The following PTPN6 variants were observed in gnomAD, a reference collection of about 807,000 sequenced individuals.
PTPN6 encodes tyrosine-protein phosphatase non-receptor type 6.
Under a neutral mutation model 81.5 loss-of-function variants are expected in PTPN6, and 18 were observed. The ratio of observed to expected loss-of-function variants is 0.22; its 90% CI spans 0.15 to 0.33. The LOEUF is 0.33. PTPN6 is among the 10% of genes least tolerant of loss of function. The pLI is 1.00. For synonymous variants in PTPN6, 301 were observed against 310.9 expected (o/e 0.97, Z 0.33); for missense variants, 500 against 794.2 (o/e 0.63, Z 4.45).
At chr12:6,951,120 T>C (rs1945915626), upstream of PTPN6, 2 of 774,004 alleles carry the variant, frequency 2.6e-6, no homozygotes, top group East Asian at 1.1e-4. The surrounding 1 kb of genome is among the most constrained non-coding windows in gnomAD (Gnocchi z 7.2). Flanking sequence ...TATCTGGGCC[T>C]GGAGTGTGCA....
rs1555148485 is a variant in PTPN6 at position 6,955,460 on chromosome 12, A to G, written c.722A>G (p.Lys241Arg). Residue 241 changes from lysine (K) to arginine (R), a missense_variant, in exon 6 of 16, where the codon AAG becomes AGG. Lys to Arg is a conservative substitution (Grantham distance 26). Around this residue, in one of 6 missense-constraint regions of PTPN6, gnomAD observed 96 missense variants for 137.3 expected, o/e 0.70. Transcript: ENST00000318974. The surrounding 1 kb of genome is among the most constrained non-coding windows in gnomAD (Gnocchi z 7.2). ...NKKQESEDTAKAGFWEEFESL... is the reference protein window; with the variant it reads ...NKKQESEDTARAGFWEEFESL... ...AAGCAGGAGTCCGAGGATACAGCCA[A>G]GGCTGGCTTCTGGGAGGAGTTTGAG... 1.9e-6 allele frequency: 3 copies of G among 1,614,000 alleles called. No homozygotes were observed. The highest frequency in any genetic ancestry group is 1.6e-4 in the Middle Eastern group (1 of 6,084).
intron 11 of PTPN6, 72 bp downstream of exon 11, chr12:6,958,145 T>A: frequency 6.3e-7 from 1 of 1,580,640 alleles, no homozygotes; most frequent in African/African-American, 1.3e-5. Context: ...TGAGCTGTTA[T>A]AAGCAATATA....
At position 6,956,027 on chromosome 12, in the gene PTPN6, C is replaced by A. The variant is rs1946023774; in HGVS notation, c.845-115C>A. The A allele has an allele frequency of 3.7e-6, 4 of 1,089,612 alleles. No individual in the cohort carries two copies. Among genetic ancestry groups the A allele is most frequent in the South Asian group, 2.6e-5 (2 of 77,160 alleles). 67.5% of individuals were successfully genotyped at this position (1,089,612 alleles called of 1,614,324 possible). On this transcript the variant is annotated intron_variant, in intron 7 of 15. Transcript: ENST00000318974. The surrounding 1 kb of genome is among the most constrained non-coding windows in gnomAD (Gnocchi z 4.1). The stretch of plus-strand genomic sequence containing the variant: ...CACCCCTGCTGCCCACAGTCCCCCG[C>A]AAGCCTCATGGCTTCTGAGACCAGA...
rs1946125060 is a variant in PTPN6, at chr12:6,960,790, C to T, written c.1674-16C>T. 3 of 1,554,684 alleles carry T rather than the reference C, an allele frequency of 1.9e-6. No individual in the cohort carries two copies. The highest frequency in any genetic ancestry group is 2.6e-6 in the Non-Finnish European group (3 of 1,148,664). ...GCACCAACTGCCTGTACTTGCCCCCCTGCACCCGGCTGCAGACACAAGGAG... is the reference window on the plus strand; with the variant it reads ...GCACCAACTGCCTGTACTTGCCCCCTTGCACCCGGCTGCAGACACAAGGAG... On this transcript the variant is annotated splice_polypyrimidine_tract_variant and intron_variant, in intron 14 of 15. Coordinates refer to ENST00000318974, the MANE Select transcript of PTPN6 (RefSeq NM_002831.6). The surrounding 1 kb of genome is among the most constrained non-coding windows in gnomAD (Gnocchi z 6.1).
Position 6,956,682 on chromosome 12 carries a change from T to C in PTPN6, c.1074+114T>C. 2.1e-6 allele frequency: 3 copies of C among 1,419,904 alleles called. No individual in the cohort carries two copies. Among genetic ancestry groups the C allele is most frequent in the Non-Finnish European group, 1.9e-6 (2 of 1,031,202 alleles). 88.0% of individuals were successfully genotyped at this position (1,419,904 alleles called of 1,614,324 possible). A position where few individuals can be genotyped will look rare whatever the true frequency, so the allele number is the denominator to read the frequency against. On this transcript the variant is annotated intron_variant, in intron 9 of 15. Coordinates refer to ENST00000318974, the MANE Select transcript of PTPN6 (RefSeq NM_002831.6). The surrounding 1 kb of genome is among the most constrained non-coding windows in gnomAD (Gnocchi z 4.1). ...GATCTCAGGGGTGAGGGTCCGGCCCTTGTTGGGAAACTGAGGGCTAGTGAC... is the reference window on the plus strand; with the variant it reads ...GATCTCAGGGGTGAGGGTCCGGCCCCTGTTGGGAAACTGAGGGCTAGTGAC...
At chr12:6,950,929 A>G (rs1945912065), upstream of PTPN6, among the ~76,000 whole-genome samples, 1 of 152,172 alleles carries the variant, frequency 6.6e-6, no homozygotes, top group Admixed American at 6.5e-5. Flanking sequence ...GTGAGAAACC[A>G]ATCAGACAAG....
chr12:6,946,884 C>T (rs2138247072), upstream of PTPN6: 2 of 914,806 alleles, frequency 2.2e-6, no homozygotes, highest in Non-Finnish European at 3.5e-6. Context: ...TGAACTTCCC[C>T]TTCCCGCAAG....
In PTPN6 at chr12:6,955,604, C is replaced by T; in HGVS notation, c.748-56C>T. 3 of 1,587,438 alleles carry T rather than the reference C, an allele frequency of 1.9e-6. No homozygotes were observed. Among genetic ancestry groups the T allele is most frequent in the South Asian group, 1.1e-5 (1 of 90,504 alleles). ...GCTCCTGACCCACCCCACGTGAGCT[C>T]CCCCGATGGATGCCCTCTTTGGGAG... On this transcript the variant is annotated intron_variant, in intron 6 of 15. Transcript: ENST00000318974. The surrounding 1 kb of genome is among the most constrained non-coding windows in gnomAD (Gnocchi z 7.2).
In PTPN6 at chr12:6,960,867, A is replaced by C; in HGVS notation, c.1735A>C (p.Lys579Gln). Residue 579 changes from lysine (K) to glutamine (Q), a missense_variant, in exon 15 of 16, where the codon AAG (lysine) becomes CAG (glutamine). Physicochemically the swap from Lys to Gln is moderately conservative, Grantham distance 53. Around this residue, in one of 6 missense-constraint regions of PTPN6, gnomAD observed 56 missense variants for 56.4 expected, o/e 0.99. Transcript: ENST00000318974. This position sits in a 1 kb window ranked among gnomAD's most constrained non-coding sequence, Gnocchi z 6.1. The stretch of plus-strand genomic sequence containing the variant: ...GAACAAGAGGGAGGAGAAAGTGAAG[A>C]AGCAGCGGTCAGCAGACAAGGAGAA... Reference protein sequence around the residue: ...TKNKREEKVKKQRSADKEKSK... With the variant: ...TKNKREEKVKQQRSADKEKSK... 2 of 1,581,514 alleles carry C rather than the reference A, an allele frequency of 1.3e-6. No homozygotes were observed. The highest frequency in any genetic ancestry group is 2.3e-5 in the South Asian group (2 of 86,634).
upstream of PTPN6, chr12:6,946,720 A>G (rs782467335): frequency 1.9e-5 from 30 of 1,611,750 alleles, no homozygotes; most frequent in Non-Finnish European, 2.5e-5. Flanking sequence ...CCCTCCCTAC[A>G]GAGAGATGCT....
upstream of PTPN6, chr12:6,946,710 C>T (rs781880827): frequency 1.9e-6 from 3 of 1,611,346 alleles, no homozygotes; most frequent in Admixed American, 1.7e-5. Context: ...CGTGGCTTCC[C>T]CCTCCCTACA....
rs185339655 is a variant in PTPN6 at position 6,960,575 on chromosome 12, A to G, written c.1673+140A>G. 249 of 1,437,402 alleles carry G rather than the reference A, an allele frequency of 1.7e-4. No homozygotes were observed. The African/African-American group carries it at 3.0e-3, about 17-fold the overall frequency. 89.0% of individuals were successfully genotyped at this position (1,437,402 alleles called of 1,614,324 possible). A position where few individuals can be genotyped will look rare whatever the true frequency, so the allele number is the denominator to read the frequency against. ...GGCTTGGTTCTCACCCCTTCTGTTC[A>G]TAAGCATTTCCTGAGTGCCCACACG... On this transcript the variant is annotated intron_variant, in intron 14 of 15. Transcript: ENST00000318974. This position sits in a 1 kb window ranked among gnomAD's most constrained non-coding sequence, Gnocchi z 6.1.
At chr12:6,947,669 A>C (rs1235620224), upstream of PTPN6, among the ~76,000 whole-genome samples, 1 of 110,658 alleles carries the variant, frequency 9.0e-6, no homozygotes, top group African/African-American at 3.4e-5. Flanking sequence ...ACCTTGTCTC[A>C]AAAAAAAAAA....
Position 6,954,892 on chromosome 12 carries a change from C to T in PTPN6, c.414C>T (p.Ser138=), listed in dbSNP as rs2138268106. The T allele has an allele frequency of 1.9e-6, 3 of 1,614,244 alleles. No homozygotes were observed. In the East Asian group the frequency reaches 6.7e-5, roughly 36 times the overall value. The change falls in exon 4 of 16, where the codon AGC becomes AGT. Residue 138 remains serine, a synonymous_variant. Coordinates refer to ENST00000318974, the MANE Select transcript of PTPN6 (RefSeq NM_002831.6). The surrounding 1 kb of genome is among the most constrained non-coding windows in gnomAD (Gnocchi z 5.4). ...CCTGGACGTTTCTTGTGCGTGAGAG[C>T]CTCAGCCAGCCTGGAGACTTCGTGC... ...GEPWTFLVRE[S]LSQPGDFVLS...
At chr12:6,953,792 C>T (rs782777068) in intron 3 of PTPN6, among the ~76,000 whole-genome samples, 1 of 151,958 alleles carries the variant, frequency 6.6e-6, no homozygotes, top group Non-Finnish European at 1.5e-5. Flanking sequence ...CTGAAGTAGC[C>T]CAGTGGGGTT....
chr12:6,956,659 T>G lies in PTPN6; in HGVS notation c.1074+91T>G, dbSNP rs1366794298. 6.4e-7 allele frequency: 1 copy of G among 1,550,430 alleles called. No homozygotes were observed. Among genetic ancestry groups the G allele is most frequent in the Non-Finnish European group, 8.8e-7 (1 of 1,133,286 alleles). Reference sequence around the variant, plus strand: ...AGTCAGATGCCAGGGCAGAAAGGGATCTCAGGGGTGAGGGTCCGGCCCTTG... The same window carrying G: ...AGTCAGATGCCAGGGCAGAAAGGGAGCTCAGGGGTGAGGGTCCGGCCCTTG... On this transcript the variant is annotated intron_variant, in intron 9 of 15. Transcript: ENST00000318974. This position sits in a 1 kb window ranked among gnomAD's most constrained non-coding sequence, Gnocchi z 4.1.
At position 6,957,815 on chromosome 12, in the gene PTPN6, C is replaced by T. The variant is rs782308438; in HGVS notation, c.1206+30C>T. 32 of 1,613,972 alleles carry T rather than the reference C, an allele frequency of 2.0e-5. No homozygotes were observed. Among genetic ancestry groups the T allele is most frequent in the East Asian group, 8.9e-5 (4 of 44,904 alleles). Reference sequence around the variant, plus strand: ...GTGGCCCCCACGCCCTGCCCCATTCCGGGAGTCCCTCCCTGGACTTGTTCT... The same window carrying T: ...GTGGCCCCCACGCCCTGCCCCATTCTGGGAGTCCCTCCCTGGACTTGTTCT... On this transcript the variant is annotated intron_variant, in intron 10 of 15. Coordinates refer to ENST00000318974, the MANE Select transcript of PTPN6 (RefSeq NM_002831.6). The surrounding 1 kb of genome is among the most constrained non-coding windows in gnomAD (Gnocchi z 6.5).
In PTPN6 at chr12:6,955,204, G is replaced by C. The variant is rs782153301; in HGVS notation, c.570G>C (p.Leu190=). 2.5e-6 allele frequency: 4 copies of C among 1,614,116 alleles called. No individual in the cohort carries two copies. The Admixed American group carries it at 6.7e-5, about 27-fold the overall frequency. Reference sequence around the variant, plus strand: ...AGACCTTCGACAGCCTCACGGACCTGGTGGAGCATTTCAAGAAGACGGGGA... The same window carrying C: ...AGACCTTCGACAGCCTCACGGACCTCGTGGAGCATTTCAAGAAGACGGGGA... ...GLETFDSLTD[L]VEHFKKTGIE... The change falls in exon 5 of 16, where the codon CTG becomes CTC. Residue 190 remains leucine, a synonymous_variant. Transcript: ENST00000318974. The surrounding 1 kb of genome is among the most constrained non-coding windows in gnomAD (Gnocchi z 7.2).
At position 6,951,381 on chromosome 12, in the gene PTPN6, G is replaced by A; in HGVS notation, c.-132G>A. On this transcript the variant is annotated 5_prime_UTR_variant, in exon 1 of 16. Coordinates refer to ENST00000318974, the MANE Select transcript of PTPN6 (RefSeq NM_002831.6). The surrounding 1 kb of genome is among the most constrained non-coding windows in gnomAD (Gnocchi z 7.2). Reference sequence around the variant, plus strand: ...AGTGGAGTGGCAGCCCCAGAACTGGGACCACCGGGGGTGGTGAGGCGGCCC... The same window carrying A: ...AGTGGAGTGGCAGCCCCAGAACTGGAACCACCGGGGGTGGTGAGGCGGCCC... 6.5e-7 allele frequency: 1 copy of A among 1,545,658 alleles called. No individual in the cohort carries two copies. The highest frequency in any genetic ancestry group is 8.7e-7 in the Non-Finnish European group (1 of 1,146,174).
Sources: allele counts gnomAD v4.1 joint callset (sites outside exome capture counted in the v4.1 genomes callset), GRCh38; gene constraint gnomAD v4.1.1; regional missense constraint gnomAD v4.1.1; non-coding constraint Gnocchi (gnomAD v3.1); transcripts MANE v1.5; gene names NCBI Gene and HGNC (gene_info 2026-07-23, HGNC 2026-07-21).